Variants in CACNG2 observed in about 807,000 individuals in gnomAD.
CACNG2 encodes voltage-dependent calcium channel gamma-2 subunit.
Under a neutral mutation model 25.9 loss-of-function variants are expected in CACNG2, and 3 were observed. The observed-to-expected ratio is 0.12, with a 90% CI of 0.05 to 0.30. The LOEUF is 0.30. CACNG2 is among the 10% of genes least tolerant of loss of function. The probability of loss-of-function intolerance (pLI) is 1.00; values close to 1 mark genes in which losing one functional copy is unlikely to be tolerated. For synonymous variants in CACNG2, 167 were observed against 173.3 expected, an observed-to-expected ratio of 0.96 and a Z score of 0.29; for missense variants, 341 against 432.5, an observed-to-expected ratio of 0.79 and a Z score of 1.88.
intron 1 of CACNG2, among the ~76,000 whole-genome samples, chr22:36,643,466 A>ATGTG (rs1936472372): frequency 1.4e-5 from 2 of 144,478 alleles, no homozygotes; most frequent in Admixed American, 1.4e-4. Context: ...ATCTACATCT[A>ATGTG]TCTGTCTGTC....
chr22:36,678,765 C>A (rs1937048456), intron 1 of CACNG2, among the ~76,000 whole-genome samples: 2 of 151,856 alleles, frequency 1.3e-5, no homozygotes, highest in Admixed American at 6.6e-5. Flanking sequence ...TAGGACACCA[C>A]CCCCTTCTCT....
At chr22:36,609,510 C>A (rs1487747106) in intron 1 of CACNG2, among the ~76,000 whole-genome samples, 3 of 141,002 alleles carry the variant, frequency 2.1e-5, no homozygotes, top group Non-Finnish European at 4.6e-5. Flanking sequence ...AGGAATCAAC[C>A]CCCTAGAGTG....
At chr22:36,593,440 G>A (rs1935627562) in intron 1 of CACNG2, among the ~76,000 whole-genome samples, 1 of 152,186 alleles carries the variant, frequency 6.6e-6, no homozygotes, top group African/African-American at 2.4e-5. Flanking sequence ...TTAGGGAGGA[G>A]GCAGGGAAAT....
chr22:36,624,713 G>T (rs1936157071), intron 1 of CACNG2, among the ~76,000 whole-genome samples: 3 of 152,024 alleles, frequency 2.0e-5, no homozygotes, highest in African/African-American at 7.2e-5. Context: ...GTGACTCTGG[G>T]GTGAGAGACC....
chr22:36,665,560 A>G (rs531771351), intron 1 of CACNG2, among the ~76,000 whole-genome samples: 1 of 152,384 alleles, frequency 6.6e-6, no homozygotes, highest in South Asian at 2.1e-4. Flanking sequence ...CAACTTGAAC[A>G]GACATTTTTC....
Position 36,577,992 on chromosome 22 carries a change from G to A in CACNG2, c.295+9473C>T, listed in dbSNP as rs555643949. On this transcript the variant is annotated intron_variant, in intron 2 of 3. Coordinates refer to ENST00000300105, the MANE Select transcript of CACNG2 (RefSeq NM_006078.5). Reference sequence around the variant, plus strand: ...AGTCCCAGAAAGTGTGCCGGGCTGGGGCAGGTCATTTTCCCTCTTGGGCCT... The same window carrying A: ...AGTCCCAGAAAGTGTGCCGGGCTGGAGCAGGTCATTTTCCCTCTTGGGCCT... 1.3e-3 allele frequency among the ~76,000 whole-genome samples: 202 copies of A among 152,152 alleles called. 1 individual carries two copies. The highest frequency in any genetic ancestry group is 4.5e-3 in the African/African-American group (185 of 41,508).
intron 1 of CACNG2, among the ~76,000 whole-genome samples, chr22:36,632,538 A>T (rs911837192): frequency 6.2e-5 from 9 of 145,968 alleles, no homozygotes; most frequent in South Asian, 4.4e-4. Context: ...TCCCATTAGT[A>T]TTTCATCTCC....
At chr22:36,589,165 A>G (rs2145923334) in intron 1 of CACNG2, among the ~76,000 whole-genome samples, 1 of 151,682 alleles carries the variant, frequency 6.6e-6, no homozygotes, top group East Asian at 2.0e-4. Context: ...TAATTTTTGT[A>G]TTTTAGTAGA....
At chr22:36,582,802 T>C (rs1264051541) in intron 2 of CACNG2, among the ~76,000 whole-genome samples, 1 of 151,606 alleles carries the variant, frequency 6.6e-6, no homozygotes, top group South Asian at 2.1e-4. Context: ...TAGTCTAACA[T>C]GTTATATCAT....
At chr22:36,630,367 A>C (rs1164503735) in intron 1 of CACNG2, among the ~76,000 whole-genome samples, 1 of 152,148 alleles carries the variant, frequency 6.6e-6, no homozygotes, top group Admixed American at 6.5e-5. Flanking sequence ...GTTTGATGTC[A>C]TGGGTGAAGG....
chr22:36,576,181 G>A (rs539494124), intron 2 of CACNG2, among the ~76,000 whole-genome samples: 10 of 152,298 alleles, frequency 6.6e-5, no homozygotes, highest in Admixed American at 5.9e-4. Context: ...TAAATATGAT[G>A]GAATACTACT....
chr22:36,589,535 A>T lies in CACNG2; in HGVS notation c.212-1987T>A, dbSNP rs1488891062. 3.9e-5 allele frequency among the ~76,000 whole-genome samples: 6 copies of T among 152,104 alleles called. No homozygotes were observed. The East Asian group carries it at 1.2e-3, about 29-fold the overall frequency. On this transcript the variant is annotated intron_variant, in intron 1 of 3. Transcript: ENST00000300105. ...ATAATGGAAAAGAGGAATCTCTGTA[A>T]CTCCCTTTCACACATGAGCTATCCC...
At chr22:36,694,685 T>G (rs548067419) in intron 1 of CACNG2, among the ~76,000 whole-genome samples, 1 of 152,166 alleles carries the variant, frequency 6.6e-6, no homozygotes, top group Non-Finnish European at 1.5e-5. Flanking sequence ...TTCTTATTCT[T>G]TAGGGTCCCC....
At chr22:36,648,122 C>A (rs1169975028) in intron 1 of CACNG2, among the ~76,000 whole-genome samples, 1 of 152,174 alleles carries the variant, frequency 6.6e-6, no homozygotes, top group African/African-American at 2.4e-5. Flanking sequence ...AAGGTGCACA[C>A]CAGCCAGTTA....
At chr22:36,582,385 C>T (rs1218300687) in intron 2 of CACNG2, among the ~76,000 whole-genome samples, 1 of 151,474 alleles carries the variant, frequency 6.6e-6, no homozygotes, top group Non-Finnish European at 1.5e-5. Context: ...GACCTTTGCA[C>T]TTGCTGTTTG....
At chr22:36,659,554 C>G (rs1407448972) in intron 1 of CACNG2, among the ~76,000 whole-genome samples, 2 of 151,114 alleles carry the variant, frequency 1.3e-5, no homozygotes, top group South Asian at 4.2e-4. Flanking sequence ...CCCAGGTTCT[C>G]TCCTGTGACC....
chr22:36,615,182 C>T (rs544925993), intron 1 of CACNG2, among the ~76,000 whole-genome samples: 1 of 152,348 alleles, frequency 6.6e-6, no homozygotes, highest in South Asian at 2.1e-4. Flanking sequence ...ATGTCCACTA[C>T]AGCCTATAAG....
chr22:36,665,413 C>A (rs1351450183), intron 1 of CACNG2, among the ~76,000 whole-genome samples: 1 of 152,192 alleles, frequency 6.6e-6, no homozygotes, highest in Non-Finnish European at 1.5e-5. Context: ...GTGCATGAAG[C>A]AAGTACACAG....
chr22:36,635,697 A>G (rs952201882), intron 1 of CACNG2, among the ~76,000 whole-genome samples: 4 of 152,062 alleles, frequency 2.6e-5, no homozygotes, highest in African/African-American at 4.8e-5. Context: ...AACTCCCTAC[A>G]TGTTGTTGCC....
Sources: gnomAD v4.1 joint callset for allele counts (sites outside exome capture counted in the v4.1 genomes callset) on GRCh38, gnomAD v4.1.1 for gene constraint, MANE v1.5 for transcripts, NCBI Gene and HGNC (gene_info 2026-07-23, HGNC 2026-07-21) for gene names.